Variants in TGS1 observed in about 807,000 individuals in gnomAD.
TGS1 encodes trimethylguanosine synthase 1.
Under a neutral mutation model 92.2 loss-of-function variants are expected in TGS1, and 69 were observed. That is an observed-to-expected ratio of 0.75 (90% CI 0.62 to 0.91). The LOEUF is 0.91. Among genes scored for constraint, TGS1 ranks in the 40% least tolerant of loss-of-function variants. The pLI is 0.00. For missense variants in TGS1, 1,062 were observed against 1,001.2 expected (o/e 1.06, Z -0.82); for synonymous variants, 345 against 338.1 (o/e 1.02, Z -0.22).
At chr8:55,774,311 T>C (rs1811315533) in intron 1 of TGS1, among the ~76,000 whole-genome samples, 1 of 152,238 alleles carries the variant, frequency 6.6e-6, no homozygotes, top group African/African-American at 2.4e-5. Context: ...GTTTCCTTTA[T>C]ATTAAATGCG....
At chr8:55,823,271 T>C (rs1190380221) in intron 12 of TGS1, among the ~76,000 whole-genome samples, 2 of 152,170 alleles carry the variant, frequency 1.3e-5, no homozygotes, top group Non-Finnish European at 2.9e-5. Context: ...ATTTCTAGTT[T>C]ACAATGTACC....
At chr8:55,811,731 A>G (rs1803346140) in intron 11 of TGS1, among the ~76,000 whole-genome samples, 1 of 152,198 alleles carries the variant, frequency 6.6e-6, no homozygotes, top group Non-Finnish European at 1.5e-5. Context: ...ACTGCACTCC[A>G]GCCTGGGCAA....
At chr8:55,794,602 AT>A (rs1437748405) in intron 6 of TGS1, among the ~76,000 whole-genome samples, 2 of 152,228 alleles carry the variant, frequency 1.3e-5, no homozygotes, top group African/African-American at 4.8e-5. Context: ...AAATAAAAAA[AT>A]AAAATGAAAT....
intron 8 of TGS1, among the ~76,000 whole-genome samples, chr8:55,800,826 C>G (rs1029691109): frequency 3.9e-5 from 6 of 152,104 alleles, no homozygotes; most frequent in African/African-American, 2.4e-5. Context: ...AGGACATAGC[C>G]CTATCCTTGA....
chr8:55,806,440 A>T (rs767180808), intron 10 of TGS1, among the ~76,000 whole-genome samples: 1 of 148,196 alleles, frequency 6.7e-6, no homozygotes, highest in Non-Finnish European at 1.5e-5. Flanking sequence ...TAGTTTCCTT[A>T]TGATTTACTT....
In TGS1 at chr8:55,773,680, A is replaced by C. The variant is rs1453420907; in HGVS notation, c.62A>C (p.Asp21Ala). 3.7e-6 allele frequency: 6 copies of C among 1,611,542 alleles called. No homozygotes were observed. The highest frequency in any genetic ancestry group is 5.1e-6 in the Non-Finnish European group (6 of 1,179,056). The change falls in exon 1 of 13, where the codon GAT (aspartate) becomes GCT (alanine). Residue 21 changes from aspartate to alanine, a missense_variant. Transcript: ENST00000260129. The part of the protein sequence containing the change: ...EMFLFIEERE[D>A]CKILCLCSRA... ...TTTCTCTTCATTGAGGAGCGGGAGG[A>C]TTGTAAGATACTGTGCCTTTGCTCC...
intron 9 of TGS1, 82 bp from the exon 10 acceptor site, chr8:55,804,811 G>T (rs1428606764): frequency 8.6e-7 from 1 of 1,166,446 alleles, no homozygotes; most frequent in South Asian, 1.6e-5. Context: ...AAGTATGTAA[G>T]ATATAGTAAT....
At chr8:55,788,470 T>G (rs1309941129) in intron 4 of TGS1, among the ~76,000 whole-genome samples, 1 of 149,400 alleles carries the variant, frequency 6.7e-6, no homozygotes, top group Non-Finnish European at 1.5e-5. Flanking sequence ...TTTTTTTTTT[T>G]TTTGAGATGG....
intron 12 of TGS1, among the ~76,000 whole-genome samples, chr8:55,819,584 C>T (rs1405975060): frequency 6.6e-6 from 1 of 151,820 alleles, no homozygotes; most frequent in Admixed American, 6.6e-5. Flanking sequence ...AGGTGTGAGC[C>T]ACTGTGCCTG....
In TGS1 at chr8:55,786,974, C is replaced by T. The variant is rs1811736585; in HGVS notation, c.1076C>T (p.Ala359Val). Residue 359 changes from alanine (A) to valine (V), a missense_variant, in exon 4 of 13, where the codon GCT becomes GTT. Ala to Val is a moderately conservative substitution (Grantham distance 64). Transcript: ENST00000260129. ...SEVSSKRECP[A>V]SGQSEPRNGG... ...GTTAGTAGCAAAAGAGAGTGCCCTG[C>T]TTCCGGCCAAAGTGAACCACGTAAT... The T allele has an allele frequency of 6.2e-7, 1 of 1,614,138 alleles. No homozygotes were observed. The highest frequency in any genetic ancestry group is 1.3e-5 in the African/African-American group (1 of 75,054).
chr8:55,785,490 G>A (rs7000300), intron 2 of TGS1, among the ~76,000 whole-genome samples: 24,189 of 151,914 alleles, frequency 0.16, 2,318 homozygotes, highest in African/African-American at 0.27. Flanking sequence ...GACTGAGCCC[G>A]GGAGTTCAGA....
intron 1 of TGS1, among the ~76,000 whole-genome samples, chr8:55,778,650 A>G (rs1312688596): frequency 1.3e-5 from 2 of 152,192 alleles, no homozygotes; most frequent in African/African-American, 4.8e-5. Context: ...GACCTTATAG[A>G]CAGCATATCT....
At chr8:55,787,184 AATG>A (rs1811745112) in intron 4 of TGS1, 124 bp downstream of exon 4, 2 of 672,414 alleles carry the variant, frequency 3.0e-6, no homozygotes, top group Non-Finnish European at 5.0e-6. Context: ...ATAATAATGA[AATG>A]ATTTAATCCA....
chr8:55,776,696 C>T (rs1811411612), intron 1 of TGS1, among the ~76,000 whole-genome samples: 2 of 152,170 alleles, frequency 1.3e-5, no homozygotes, highest in East Asian at 1.9e-4. Context: ...TTAGTTTTTA[C>T]TTCTTTCTTT....
rs112076662 is a variant in TGS1, at chr8:55,823,848, C to T, written c.2440-733C>T. Among the ~76,000 whole-genome samples the T allele has an allele frequency of 1.2e-4, 18 of 152,228 alleles. 2 individuals carry two copies. The Middle Eastern group carries it at 0.01, about 86-fold the overall frequency. On this transcript the variant is annotated intron_variant, in intron 12 of 12. Transcript: ENST00000260129. ...TTTAAAAATAAACCTAGGCCGGGCA[C>T]GGTGGCTTGTAATCCCAGCACTTTG...
rs1416494344 is a variant in TGS1 at position 55,798,999 on chromosome 8, C to T, written c.1628C>T (p.Ala543Val). The T allele has an allele frequency of 1.2e-6, 2 of 1,614,052 alleles. No homozygotes were observed. Among genetic ancestry groups the T allele is most frequent in the Non-Finnish European group, 1.7e-6 (2 of 1,180,024 alleles). The change falls in exon 8 of 13, where the codon GCT becomes GTT. Residue 543 changes from alanine (A) to valine (V), a missense_variant. By Grantham distance (64) the Ala-to-Val change is moderately conservative. Coordinates refer to ENST00000260129, the MANE Select transcript of TGS1 (RefSeq NM_024831.8). Reference protein sequence around the residue: ...ESSSHDNVHDASTSSDSEEQD... With the variant: ...ESSSHDNVHDVSTSSDSEEQD... The stretch of plus-strand genomic sequence containing the variant: ...TCTTCTCATGACAATGTGCACGACG[C>T]TTCCACAAGTAGTGATTCAGAGGAA...
intron 9 of TGS1, among the ~76,000 whole-genome samples, chr8:55,803,397 T>G (rs1812276455): frequency 6.6e-6 from 1 of 152,194 alleles, no homozygotes; most frequent in Admixed American, 6.5e-5. Flanking sequence ...GTTACCTAAA[T>G]ATTGGTTTTT....
chr8:55,798,734 C>T (rs879290073), intron 7 of TGS1, among the ~76,000 whole-genome samples, 180 bp from the exon 8 acceptor site: 34 of 152,172 alleles, frequency 2.2e-4, no homozygotes, highest in Middle Eastern at 3.4e-3. Flanking sequence ...TCATGGCATG[C>T]CCAGATAGCA....
In TGS1 at chr8:55,786,943, A is replaced by C; in HGVS notation, c.1045A>C (p.Ser349Arg). 1 of 1,614,174 alleles carries C rather than the reference A, an allele frequency of 6.2e-7. No individual in the cohort carries two copies. The change falls in exon 4 of 13, where the codon AGT becomes CGT. Residue 349 changes from serine (S) to arginine (R), a missense_variant. Transcript: ENST00000260129. Reference protein sequence around the residue: ...CTSHDGHQQLSEVSSKRECPA... With the variant: ...CTSHDGHQQLREVSSKRECPA... ...AAGTCATGATGGTCATCAACAGCTAAGTGAAGTTAGTAGCAAAAGAGAGTG... is the reference window on the plus strand; with the variant it reads ...AAGTCATGATGGTCATCAACAGCTACGTGAAGTTAGTAGCAAAAGAGAGTG...
Sources: gnomAD v4.1 joint callset for allele counts (sites outside exome capture counted in the v4.1 genomes callset) on GRCh38, gnomAD v4.1.1 for gene constraint, MANE v1.5 for transcripts, NCBI Gene and HGNC (gene_info 2026-07-23, HGNC 2026-07-21) for gene names.